The following DGKI variants were observed in gnomAD, a reference collection of about 807,000 sequenced individuals.
DGKI encodes the protein DAG kinase iota.
A neutral mutation model predicts 147.5 loss-of-function variants in DGKI; 55 were observed. The ratio of observed to expected loss-of-function variants is 0.37; its 90% confidence interval spans 0.30 to 0.47. DGKI has a LOEUF of 0.47. DGKI is among the 20% of genes least tolerant of loss of function. The pLI is 1.00. For missense variants in DGKI, 1,007 were observed against 1,323.8 expected, an observed-to-expected ratio of 0.76 and a Z score of 3.71; for synonymous variants, 469 against 477.1, an observed-to-expected ratio of 0.98 and a Z score of 0.22.
chr7:137,756,945 T>G, intron 1 of DGKI, among the ~76,000 whole-genome samples: 1 of 152,222 alleles, frequency 6.6e-6, no homozygotes, highest in Admixed American at 6.5e-5. Context: ...CTCAACCATG[T>G]GGGTTCCATA....
At chr7:137,441,156 C>G (rs1813484894) in intron 28 of DGKI, among the ~76,000 whole-genome samples, 1 of 152,002 alleles carries the variant, frequency 6.6e-6, no homozygotes, top group Non-Finnish European at 1.5e-5. Flanking sequence ...CACGGTGGCT[C>G]ATGCCTGTAA....
chr7:137,536,782 C>T lies in DGKI; in HGVS notation c.2148-14816G>A, dbSNP rs533474940. ...GTTGCAGAATAAGGAGGAAGACGCT[C>T]TGGCTACAGACCCGTGGACTGCTTC... On this transcript the variant is annotated intron_variant, in intron 20 of 32. Coordinates refer to ENST00000614521, the MANE Select transcript of DGKI (RefSeq NM_001321708.2). 5.9e-5 allele frequency among the ~76,000 whole-genome samples: 9 copies of T among 152,266 alleles called. No homozygotes were observed. The South Asian group carries it at 1.9e-3, about 32-fold the overall frequency.
At chr7:137,817,671 G>A (rs780422986) in intron 1 of DGKI, among the ~76,000 whole-genome samples, 1 of 152,170 alleles carries the variant, frequency 6.6e-6, no homozygotes, top group South Asian at 2.1e-4. Context: ...TATTTGGTAG[G>A]TCACACTGAC....
chr7:137,606,899 G>C (rs551077473), intron 10 of DGKI, among the ~76,000 whole-genome samples: 3 of 152,062 alleles, frequency 2.0e-5, no homozygotes, highest in African/African-American at 7.2e-5. Flanking sequence ...ACTATGTGCC[G>C]TGTTCTAGAA....
rs1344702925 is a variant in DGKI, at chr7:137,385,026, G to A, written c.*6194C>T. 6.6e-6 allele frequency: 1 copy of A among 151,998 alleles called. No individual in the cohort carries two copies. Among genetic ancestry groups the A allele is most frequent in the Non-Finnish European group, 1.5e-5 (1 of 67,982 alleles). 9.4% of individuals were successfully genotyped at this position (151,998 alleles called of 1,614,324 possible). On this transcript the variant is annotated 3_prime_UTR_variant, in exon 33 of 33. Coordinates refer to ENST00000614521, the MANE Select transcript of DGKI (RefSeq NM_001321708.2). ...TTGGCTCCCAAATACCTTACAGGCA[G>A]AATTTTCTTCTGTGGTTATACTAGA... is the stretch of plus-strand genomic sequence containing the variant.
chr7:137,517,862 A>T (rs1484997402), intron 21 of DGKI, among the ~76,000 whole-genome samples: 1 of 152,142 alleles, frequency 6.6e-6, no homozygotes, highest in African/African-American at 2.4e-5. Context: ...ATTACAGCAG[A>T]TGTTTACACA....
chr7:137,781,881 T>C (rs1796528389), intron 1 of DGKI, among the ~76,000 whole-genome samples: 1 of 152,170 alleles, frequency 6.6e-6, no homozygotes. Context: ...TCATCTCAAG[T>C]GCTACATTTT....
intron 19 of DGKI, among the ~76,000 whole-genome samples, chr7:137,568,589 C>T (rs541296208): frequency 2.6e-5 from 4 of 152,256 alleles, no homozygotes; most frequent in Admixed American, 6.5e-5. Context: ...AGTGGGCAGT[C>T]GCTGTATTTA....
chr7:137,846,672 C>T lies in DGKI; in HGVS notation c.191G>A (p.Gly64Glu). The T allele has an allele frequency of 9.3e-7, 1 of 1,074,416 alleles. No homozygotes were observed. Among genetic ancestry groups the T allele is most frequent in the Non-Finnish European group, 1.1e-6 (1 of 884,674 alleles). 66.6% of individuals were successfully genotyped at this position (1,074,416 alleles called of 1,614,324 possible). A position where few individuals can be genotyped will look rare whatever the true frequency, so the allele number is the denominator to read the frequency against. ...NPSSSAGEEK[G>E]ATGGSSSSGS... is the part of the protein sequence containing the mutation. The stretch of plus-strand genomic sequence containing the variant: ...GCTGCTGCTGCTGCCGCCCGTCGCC[C>T]CTTTCTCCTCTCCCGCCGAGGAGCT... The change falls in exon 1 of 33, where the codon GGG (glycine) becomes GAG (glutamate). Residue 64 changes from glycine (G) to glutamate (E), a missense_variant. By Grantham distance (98) the Gly-to-Glu change is moderately conservative. Coordinates refer to ENST00000614521, the MANE Select transcript of DGKI (RefSeq NM_001321708.2). The surrounding 1 kb of genome is among the most constrained non-coding windows in gnomAD (Gnocchi z 4.0).
chr7:137,463,412 TG>T, intron 27 of DGKI, 76 bp downstream of exon 27: 1 of 1,568,156 alleles, frequency 6.4e-7, no homozygotes, highest in Non-Finnish European at 8.7e-7. Context: ...TCCTGACCAC[TG>T]GGGCACAGCC....
intron 1 of DGKI, among the ~76,000 whole-genome samples, chr7:137,797,643 G>GA (rs543350883): frequency 6.6e-6 from 1 of 151,752 alleles, no homozygotes; most frequent in African/African-American, 2.4e-5. Context: ...GTAATCCTCA[G>GA]AAAAAAGCAG....
chr7:137,765,313 T>G (rs1477046473), intron 1 of DGKI, among the ~76,000 whole-genome samples: 1 of 152,210 alleles, frequency 6.6e-6, no homozygotes, highest in African/African-American at 2.4e-5. Context: ...TATTCCAAAA[T>G]AAGATTTTAC....
chr7:137,517,326 A>AGAAG (rs1166141606), intron 21 of DGKI, among the ~76,000 whole-genome samples: 1 of 137,450 alleles, frequency 7.3e-6, no homozygotes, highest in Non-Finnish European at 1.6e-5. Flanking sequence ...AAAGAAAGAA[A>AGAAG]GAAAGAAAGA....
rs901452432 is a variant in DGKI, at chr7:137,385,872, C to T, written c.*5348G>A. ...CACCCTGGGGTTCTCCTGCACTGCA[C>T]TTATCACATTGGAATTTGTCTTTTC... On this transcript the variant is annotated 3_prime_UTR_variant, in exon 33 of 33. Coordinates refer to ENST00000614521, the MANE Select transcript of DGKI (RefSeq NM_001321708.2). The T allele has an allele frequency of 6.6e-6, 1 of 152,118 alleles. No homozygotes were observed. The highest frequency in any genetic ancestry group is 1.5e-5 in the Non-Finnish European group (1 of 68,000). 9.4% of individuals were successfully genotyped at this position (152,118 alleles called of 1,614,324 possible). A position where few individuals can be genotyped will look rare whatever the true frequency, so the allele number is the denominator to read the frequency against.
At chr7:137,729,862 G>GCGT (rs1794820062) in intron 1 of DGKI, among the ~76,000 whole-genome samples, 1 of 152,022 alleles carries the variant, frequency 6.6e-6, no homozygotes, top group Admixed American at 6.6e-5. Flanking sequence ...ATGGTTCCAT[G>GCGT]TTCACTACTA....
At chr7:137,834,828 G>T (rs777563301) in intron 1 of DGKI, among the ~76,000 whole-genome samples, 2 of 152,204 alleles carry the variant, frequency 1.3e-5, no homozygotes, top group Admixed American at 6.5e-5. Flanking sequence ...GGGCTTCAAG[G>T]CTTCCACACA....
At chr7:137,760,536 T>G (rs1169864130) in intron 1 of DGKI, among the ~76,000 whole-genome samples, 2 of 152,098 alleles carry the variant, frequency 1.3e-5, no homozygotes, top group African/African-American at 4.8e-5. Flanking sequence ...CTACTGGATT[T>G]TATCGGGAGG....
At chr7:137,758,229 T>G (rs888809930) in intron 1 of DGKI, among the ~76,000 whole-genome samples, 2 of 152,224 alleles carry the variant, frequency 1.3e-5, no homozygotes, top group African/African-American at 2.4e-5. Flanking sequence ...TGGGGTTCTA[T>G]GAGCCCCTGG....
At chr7:137,748,134 AC>A (rs1795398187) in intron 1 of DGKI, among the ~76,000 whole-genome samples, 5 of 152,186 alleles carry the variant, frequency 3.3e-5, no homozygotes, top group Admixed American at 3.3e-4. Flanking sequence ...TCATCCCTGA[AC>A]ATTGGCTCTC....
Sources: allele counts gnomAD v4.1 joint callset (sites outside exome capture counted in the v4.1 genomes callset), GRCh38; gene constraint gnomAD v4.1.1; non-coding constraint Gnocchi (gnomAD v3.1); transcripts MANE v1.5; gene names NCBI Gene and HGNC (gene_info 2026-07-23, HGNC 2026-07-21).